EDAR: variants seen among roughly 807,000 people sequenced by gnomAD.
EDAR encodes the protein tumor necrosis factor receptor superfamily member EDAR.
EDAR carries 38 observed loss-of-function variants against 51.3 expected under a neutral mutation model. That is an observed-to-expected ratio of 0.74 (90% CI 0.57 to 0.97). The LOEUF (loss-of-function observed/expected upper bound fraction) is 0.97. Among genes scored for constraint, EDAR ranks in the 50% least tolerant of loss-of-function variants. The pLI, the probability that EDAR is intolerant of heterozygous loss-of-function variation, is 0.00. For synonymous variants in EDAR, 227 were observed against 242.1 expected, an observed-to-expected ratio of 0.94 and a Z score of 0.58; for missense variants, 528 against 595.0, an observed-to-expected ratio of 0.89 and a Z score of 1.17.
intron 1 of EDAR, among the ~76,000 whole-genome samples, chr2:108,933,761 G>A (rs772672790): frequency 6.6e-6 from 1 of 151,912 alleles, no homozygotes; most frequent in African/African-American, 2.4e-5. Context: ...GGCAGGCAGC[G>A]ACGGGAGATC....
chr2:108,943,984 A>G (rs1697663076), intron 1 of EDAR, among the ~76,000 whole-genome samples: 1 of 152,232 alleles, frequency 6.6e-6, no homozygotes, highest in South Asian at 2.1e-4. Flanking sequence ...AGGTGAATGC[A>G]TGTGGAAGTG....
intron 5 of EDAR, among the ~76,000 whole-genome samples, chr2:108,918,144 C>T (rs1006788293): frequency 5.9e-5 from 9 of 152,308 alleles, no homozygotes; most frequent in Middle Eastern, 3.4e-3. Flanking sequence ...ATGTCCACTC[C>T]TTCCACTGTC....
chr2:108,943,287 A>AG (rs1697644533), intron 1 of EDAR, among the ~76,000 whole-genome samples: 1 of 152,200 alleles, frequency 6.6e-6, no homozygotes, highest in Non-Finnish European at 1.5e-5. Context: ...CCGACTCCAA[A>AG]GGGCTCTGCT....
intron 1 of EDAR, among the ~76,000 whole-genome samples, chr2:108,987,646 T>C (rs1174248668): frequency 6.6e-6 from 1 of 152,242 alleles, no homozygotes; most frequent in Non-Finnish European, 1.5e-5. Flanking sequence ...CCAACTGTGC[T>C]GTCACAAATT....
At chr2:108,980,323 A>G (rs1434337460) in intron 1 of EDAR, among the ~76,000 whole-genome samples, 1 of 151,930 alleles carries the variant, frequency 6.6e-6, no homozygotes, top group African/African-American at 2.4e-5. Context: ...AGGTGAGGAG[A>G]GCAAAAGCCC....
In EDAR at chr2:108,930,169, C is replaced by A. The variant is rs1697338272; in HGVS notation, c.125G>T (p.Gly42Val). ...ACACGGGGGGCACTCCTGGCACAGC[C>A]CCGTAGTCTGGTTGTAGTACTCGTT... ...GENEYYNQTT[G>V]LCQECPPCGP... Residue 42 changes from glycine (G) to valine (V), a missense_variant, in exon 3 of 12, where the codon GGG becomes GTG. By Grantham distance (109) the Gly-to-Val change is moderately radical (BLOSUM62 -3). Coordinates refer to ENST00000258443, the MANE Select transcript of EDAR (RefSeq NM_022336.4). 1 of 1,614,050 alleles carries A rather than the reference C, an allele frequency of 6.2e-7. No homozygotes were observed. Among genetic ancestry groups the A allele is most frequent in the East Asian group, 2.2e-5 (1 of 44,858 alleles).
At chr2:108,918,378 T>G (rs1697065981) in intron 5 of EDAR, among the ~76,000 whole-genome samples, 1 of 152,248 alleles carries the variant, frequency 6.6e-6, no homozygotes, top group Non-Finnish European at 1.5e-5. Context: ...TTTCGGTTCA[T>G]CTGCCTCTTG....
At chr2:108,922,942 G>A (rs976620230) in intron 5 of EDAR, among the ~76,000 whole-genome samples, 2 of 152,154 alleles carry the variant, frequency 1.3e-5, no homozygotes, top group Non-Finnish European at 2.9e-5. Flanking sequence ...TTCATTAATT[G>A]TGATCACATT....
intron 1 of EDAR, among the ~76,000 whole-genome samples, chr2:108,939,749 C>T (rs1290204814): frequency 1.3e-5 from 2 of 152,232 alleles, no homozygotes; most frequent in Non-Finnish European, 2.9e-5. Flanking sequence ...CAATGGGCTA[C>T]TGTGCTGGGT....
intron 1 of EDAR, among the ~76,000 whole-genome samples, chr2:108,949,817 TG>T (rs1398320326): frequency 2.6e-5 from 4 of 152,218 alleles, no homozygotes; most frequent in African/African-American, 9.6e-5. Context: ...TGATTTATCA[TG>T]GGTTAGGTCT....
At position 108,910,627 on chromosome 2, in the gene EDAR, G is replaced by A. The variant is rs2105400497; in HGVS notation, c.731-95C>T. ...CCTGCTCTTCCTGTTGGGCAGAGCT[G>A]CCCGGTGTCTGTGTGGCACCACCCC... On this transcript the variant is annotated intron_variant, in intron 8 of 11. Transcript: ENST00000258443. The A allele has an allele frequency of 4.3e-6, 6 of 1,408,070 alleles. No individual in the cohort carries two copies. The South Asian group carries it at 5.9e-5, about 14-fold the overall frequency. 87.2% of individuals were successfully genotyped at this position (1,408,070 alleles called of 1,614,324 possible). A position where few individuals can be genotyped will look rare whatever the true frequency, so the allele number is the denominator to read the frequency against.
At chr2:108,916,621 C>A (rs936576044) in intron 5 of EDAR, among the ~76,000 whole-genome samples, 19 of 152,310 alleles carry the variant, frequency 1.2e-4, no homozygotes, top group African/African-American at 4.3e-4. Context: ...TGCCAGGCTG[C>A]AGGTGTAGGC....
chr2:108,912,563 G>A (rs1182662089), intron 6 of EDAR, 115 bp downstream of exon 6: 2 of 985,542 alleles, frequency 2.0e-6, no homozygotes, highest in Non-Finnish European at 3.1e-6. Flanking sequence ...GGGAGGTGAG[G>A]CCAGGTGGGG....
rs1697325441 is a variant in EDAR, at chr2:108,929,511, A to G, written c.175-132T>C. 4 of 981,478 alleles carry G rather than the reference A, an allele frequency of 4.1e-6. No individual in the cohort carries two copies. The South Asian group carries it at 4.1e-5, about 10-fold the overall frequency. 60.8% of individuals were successfully genotyped at this position (981,478 alleles called of 1,614,324 possible). A position where few individuals can be genotyped will look rare whatever the true frequency, so the allele number is the denominator to read the frequency against. ...ACTCTTGCCGGGCCTTGGTTTCCTGAGTTGTCCTAACTGCAAAACCCCCCA... is the reference window on the plus strand; with the variant it reads ...ACTCTTGCCGGGCCTTGGTTTCCTGGGTTGTCCTAACTGCAAAACCCCCCA... On this transcript the variant is annotated intron_variant, in intron 3 of 11. Transcript: ENST00000258443.
At chr2:108,916,598 C>T (rs961565027) in intron 5 of EDAR, among the ~76,000 whole-genome samples, 1 of 152,184 alleles carries the variant, frequency 6.6e-6, no homozygotes, top group Non-Finnish European at 1.5e-5. Context: ...ACCAACTAAA[C>T]GGTCCCCAAC....
chr2:108,974,366 T>C (rs1223823881), intron 1 of EDAR, among the ~76,000 whole-genome samples: 1 of 139,666 alleles, frequency 7.2e-6, no homozygotes, highest in Non-Finnish European at 1.5e-5. Flanking sequence ...AAATGCCACA[T>C]ATTGACTGTG....
intron 1 of EDAR, among the ~76,000 whole-genome samples, chr2:108,955,961 G>A (rs1231990968): frequency 2.0e-5 from 3 of 152,126 alleles, no homozygotes; most frequent in Non-Finnish European, 4.4e-5. Flanking sequence ...CCCAGGAGGT[G>A]GAGCTTGCAG....
intron 1 of EDAR, among the ~76,000 whole-genome samples, chr2:108,978,435 CT>C (rs1698365901): frequency 6.6e-6 from 1 of 152,188 alleles, no homozygotes; most frequent in South Asian, 2.1e-4. Context: ...CTTTGCTAAT[CT>C]GTGGGCTTGT....
Position 108,912,756 on chromosome 2 carries a change from C to T in EDAR, c.451G>A (p.Ala151Thr). The T allele has an allele frequency of 3.1e-6, 5 of 1,594,368 alleles. No individual in the cohort carries two copies. Among genetic ancestry groups the T allele is most frequent in the Non-Finnish European group, 2.6e-6 (3 of 1,170,630 alleles). ...APPNTKECVG[A>T]TSGASANFPG... ...AAGTTGGCAGAAGCTCCTGAAGTGG[C>T]TCCCACACCTGCAAGGAAAATAGAG... Residue 151 changes from alanine to threonine, a missense_variant, in exon 6 of 12, where the codon GCC becomes ACC. By Grantham distance (58) the Ala-to-Thr change is moderately conservative. Coordinates refer to ENST00000258443, the MANE Select transcript of EDAR (RefSeq NM_022336.4).
Sources: allele counts gnomAD v4.1 joint callset (sites outside exome capture counted in the v4.1 genomes callset), GRCh38; gene constraint gnomAD v4.1.1; transcripts MANE v1.5; gene names NCBI Gene and HGNC (gene_info 2026-07-23, HGNC 2026-07-21).